The following FHIT variants were observed in gnomAD, a reference collection of about 807,000 sequenced individuals.
FHIT encodes the protein fragile histidine triad diadenosine triphosphatase.
In FHIT, 19 loss-of-function variants were observed where a neutral mutation model predicts 17.9. The observed-to-expected ratio is 1.06, with a 90% CI of 0.74 to 1.56. The LOEUF (loss-of-function observed/expected upper bound fraction) is 1.56. Ranked by LOEUF, FHIT falls within the 40% of genes most tolerant of loss-of-function variation. FHIT has a pLI of 0.00. For missense variants in FHIT, 248 were observed against 189.2 expected (o/e 1.31, Z -1.82); for synonymous variants, 81 against 69.7 (o/e 1.16, Z -0.81).
intron 5 of FHIT, among the ~76,000 whole-genome samples, chr3:60,091,705 A>G (rs1455788298): frequency 1.3e-5 from 2 of 152,116 alleles, no homozygotes; most frequent in African/African-American, 4.8e-5. Flanking sequence ...TTCTCATGAT[A>G]GTAAGTTACC....
intron 5 of FHIT, among the ~76,000 whole-genome samples, chr3:60,220,206 C>T (rs1173893392): frequency 6.6e-6 from 1 of 152,042 alleles, no homozygotes; most frequent in Non-Finnish European, 1.5e-5. Flanking sequence ...AGAAATGTAA[C>T]TTAAAAATGT....
intron 8 of FHIT, among the ~76,000 whole-genome samples, chr3:59,832,407 T>C (rs1235577911): frequency 6.6e-6 from 1 of 152,172 alleles, no homozygotes; most frequent in Non-Finnish European, 1.5e-5. Context: ...AAAAGGATAA[T>C]ACACCCCTAC....
At chr3:60,159,587 A>C (rs1196099617) in intron 5 of FHIT, among the ~76,000 whole-genome samples, 3 of 152,224 alleles carry the variant, frequency 2.0e-5, no homozygotes, top group Admixed American at 6.5e-5. Context: ...CTACCTTTTT[A>C]GTACAGTAAT....
intron 4 of FHIT, among the ~76,000 whole-genome samples, chr3:60,562,985 CA>C (rs1249606975): frequency 2.0e-5 from 3 of 152,134 alleles, no homozygotes; most frequent in Admixed American, 2.0e-4. Context: ...GTGAAATCAA[CA>C]GAAATAAACG....
intron 5 of FHIT, among the ~76,000 whole-genome samples, chr3:60,335,408 A>G (rs1015889449): frequency 1.3e-5 from 2 of 152,190 alleles, no homozygotes; most frequent in African/African-American, 4.8e-5. Flanking sequence ...TCAGTTGACA[A>G]CAGGTAACAT....
chr3:60,567,220 C>T (rs1218079586), intron 4 of FHIT, among the ~76,000 whole-genome samples: 1 of 152,096 alleles, frequency 6.6e-6, no homozygotes, highest in African/African-American at 2.4e-5. Context: ...TACTACAAGG[C>T]TACAGTAACC....
Position 60,959,630 on chromosome 3 carries a change from A to G in FHIT, c.-111+82417T>C, listed in dbSNP as rs140628082. Among the ~76,000 whole-genome samples the G allele has an allele frequency of 8.5e-5, 13 of 152,214 alleles. No homozygotes were observed. In the East Asian group the frequency reaches 2.5e-3, roughly 29 times the overall value. On this transcript the variant is annotated intron_variant, in intron 3 of 9. Transcript: ENST00000492590. ...TTTGAGTTGAAATCTGAAGAGAGAA[A>G]ATGAAGCCACTGGAGATGAAGAAAA...
chr3:60,075,139 G>A (rs1232714198), intron 5 of FHIT, among the ~76,000 whole-genome samples: 1 of 152,066 alleles, frequency 6.6e-6, no homozygotes, highest in Non-Finnish European at 1.5e-5. Context: ...ACATATATGC[G>A]TCACACACAG....
At chr3:60,727,591 A>G (rs1237040393) in intron 4 of FHIT, among the ~76,000 whole-genome samples, 1 of 152,232 alleles carries the variant, frequency 6.6e-6, no homozygotes. Context: ...ATGTGACTCT[A>G]TAAAGTAAAG....
At chr3:61,192,300 T>C (rs1406285530) in intron 2 of FHIT, among the ~76,000 whole-genome samples, 1 of 152,192 alleles carries the variant, frequency 6.6e-6, no homozygotes, top group Non-Finnish European at 1.5e-5. Context: ...ATTTGGTGGA[T>C]TTTCAAATGT....
At chr3:60,045,043 C>CA (rs973828549) in intron 5 of FHIT, among the ~76,000 whole-genome samples, 15 of 151,066 alleles carry the variant, frequency 9.9e-5, no homozygotes, top group Admixed American at 2.0e-4. Flanking sequence ...TAAAAAACAG[C>CA]AAAAAAAAGA....
intron 3 of FHIT, among the ~76,000 whole-genome samples, chr3:61,005,270 A>G (rs1355800167): frequency 6.6e-6 from 1 of 152,234 alleles, no homozygotes; most frequent in East Asian, 1.9e-4. Flanking sequence ...TGTCCATATT[A>G]GATAATTTTA....
chr3:60,971,781 C>T (rs540551369), intron 3 of FHIT, among the ~76,000 whole-genome samples: 9 of 151,924 alleles, frequency 5.9e-5, no homozygotes, highest in African/African-American at 2.2e-4. Context: ...GGCCTGGATC[C>T]GTTAATTCAT....
At chr3:60,688,932 TG>T (rs2107880109) in intron 4 of FHIT, among the ~76,000 whole-genome samples, 2 of 152,270 alleles carry the variant, frequency 1.3e-5, no homozygotes, top group African/African-American at 4.8e-5. Context: ...AATCATGGAT[TG>T]AAAATGCTCA....
intron 5 of FHIT, among the ~76,000 whole-genome samples, chr3:60,150,185 T>C (rs1008792825): frequency 6.6e-6 from 1 of 151,714 alleles, no homozygotes; most frequent in African/African-American, 2.4e-5. Flanking sequence ...TTAGTAGAGA[T>C]GGGGTTTCTC....
intron 2 of FHIT, among the ~76,000 whole-genome samples, chr3:61,186,530 C>T (rs2038517927): frequency 1.3e-5 from 2 of 152,304 alleles, no homozygotes; most frequent in South Asian, 4.1e-4. Flanking sequence ...AGCCAGTCTG[C>T]AGACAGAAGA....
intron 5 of FHIT, among the ~76,000 whole-genome samples, chr3:60,109,973 T>C (rs1214150245): frequency 6.6e-6 from 1 of 152,186 alleles, no homozygotes. Flanking sequence ...CTCAAAAAAC[T>C]ACTTGGAAGG....
intron 2 of FHIT, among the ~76,000 whole-genome samples, chr3:61,199,903 A>C (rs2038963970): frequency 6.6e-6 from 1 of 152,240 alleles, no homozygotes; most frequent in Non-Finnish European, 1.5e-5. Context: ...AAAATACTTC[A>C]TGCAGAACAG....
chr3:60,749,866 C>T (rs369548523), intron 4 of FHIT, among the ~76,000 whole-genome samples: 77 of 152,138 alleles, frequency 5.1e-4, no homozygotes, highest in African/African-American at 1.8e-3. Context: ...TTAGTTAATA[C>T]TCAAATTTAG....
Sources: gnomAD v4.1 joint callset for allele counts (sites outside exome capture counted in the v4.1 genomes callset) on GRCh38, gnomAD v4.1.1 for gene constraint, MANE v1.5 for transcripts, NCBI Gene and HGNC (gene_info 2026-07-23, HGNC 2026-07-21) for gene names.